Variants in DDIAS observed in about 807,000 individuals in gnomAD.
DDIAS encodes DNA damage induced apoptosis suppressor, also known as DNA damage-induced apoptosis suppressor protein.
DDIAS carries 14 observed loss-of-function variants against 15.7 expected under a neutral mutation model. The observed-to-expected ratio is 0.89, with a 90% CI of 0.59 to 1.39. The LOEUF is 1.39. Among genes scored for constraint, DDIAS ranks in the 40% most tolerant of loss-of-function variants. DDIAS has a pLI of 0.00. For missense variants in DDIAS, 1,035 were observed against 1,130.9 expected, an observed-to-expected ratio of 0.92 and a Z score of 1.22; for synonymous variants, 355 against 395.9, an observed-to-expected ratio of 0.90 and a Z score of 1.23.
chr11:82,912,573 T>C (rs1300760365), intron 1 of DDIAS, among the ~76,000 whole-genome samples: 1 of 152,224 alleles, frequency 6.6e-6, no homozygotes, highest in Admixed American at 6.5e-5. Flanking sequence ...TTTAAGGGAA[T>C]GTTGTGGCTC....
In DDIAS at chr11:82,901,738, T is replaced by C. The variant is rs1434405089; in HGVS notation, c.-201T>C. ...GCGGAAAAGGACGCGGGAGATTCGA[T>C]TGGAAGGCTGCCGGCGTGCTACTGA... On this transcript the variant is annotated 5_prime_UTR_variant, in exon 1 of 6. Coordinates refer to ENST00000533655, the MANE Select transcript of DDIAS (RefSeq NM_145018.4). The C allele has an allele frequency of 6.6e-6, 1 of 152,038 alleles. No homozygotes were observed. The highest frequency in any genetic ancestry group is 1.9e-4 in the East Asian group (1 of 5,168). The allele number at this position is 152,038 out of a possible 1,614,324, so 9.4% of individuals were successfully genotyped here.
At chr11:82,920,178 G>A (rs1485878850) in intron 3 of DDIAS, among the ~76,000 whole-genome samples, 1 of 152,002 alleles carries the variant, frequency 6.6e-6, no homozygotes, top group Non-Finnish European at 1.5e-5. Flanking sequence ...AAAGGTGTTT[G>A]TAGTAGTCTT....
chr11:82,932,116 G>T lies in DDIAS; in HGVS notation c.778G>T (p.Ala260Ser). 1 of 1,614,136 alleles carries T rather than the reference G, an allele frequency of 6.2e-7. No individual in the cohort carries two copies. The highest frequency in any genetic ancestry group is 1.1e-5 in the South Asian group (1 of 91,074). ...SQLTDNDDFS[A>S]SEQSKAFGTL... The stretch of plus-strand genomic sequence containing the variant: ...ACTAACAGATAATGATGATTTTTCA[G>T]CTTCAGAACAAAGTAAGGCCTTTGG... Residue 260 changes from alanine to serine, a missense_variant, in exon 6 of 6, where the codon GCT becomes TCT. By Grantham distance (99) the Ala-to-Ser change is moderately conservative (BLOSUM62 1). Transcript: ENST00000533655.
At chr11:82,903,152 TA>T (rs888522489) in intron 1 of DDIAS, among the ~76,000 whole-genome samples, 109 of 152,306 alleles carry the variant, frequency 7.2e-4, no homozygotes, top group African/African-American at 2.5e-3. Context: ...GGAATATATT[TA>T]GAAAGGACAG....
rs1396940691 is a variant in DDIAS at position 82,930,181 on chromosome 11, TC to T, written c.302del (p.Pro101GlnfsTer13). On this transcript the variant is annotated frameshift_variant, in exon 5 of 6. Coordinates refer to ENST00000533655, the MANE Select transcript of DDIAS (RefSeq NM_145018.4). LOFTEE classifies it high-confidence loss of function. ...HRYIQDPNKI[P>X]ETLDNDTTQN... ...GGTACATTCAGGATCCTAATAAAAT[TC>T]CAGAAACACTGGACAATGATACAAC... is the stretch of plus-strand genomic sequence containing the variant. 6.3e-7 allele frequency: 1 copy of T among 1,594,192 alleles called. No individual in the cohort carries two copies. The highest frequency in any genetic ancestry group is 8.6e-7 in the Non-Finnish European group (1 of 1,168,400).
rs1017612482 is a variant in DDIAS, at chr11:82,931,637, G to A, written c.394-95G>A. On this transcript the variant is annotated intron_variant, in intron 5 of 5. Transcript: ENST00000533655. Reference sequence around the variant, plus strand: ...GCCTCTCAAAGTGCTGGGATTACAGGCATGAGCCACTGTGCCTGGCTAAAT... The same window carrying A: ...GCCTCTCAAAGTGCTGGGATTACAGACATGAGCCACTGTGCCTGGCTAAAT... 4.1e-5 allele frequency: 45 copies of A among 1,108,730 alleles called. No homozygotes were observed. In the African/African-American group the frequency reaches 6.0e-4, roughly 15 times the overall value. The allele number at this position is 1,108,730 out of a possible 1,614,324, so 68.7% of individuals were successfully genotyped here.
At chr11:82,928,680 C>T in intron 3 of DDIAS, 97 bp from the exon 4 acceptor site, 1 of 1,294,694 alleles carries the variant, frequency 7.7e-7, no homozygotes, top group Admixed American at 2.2e-5. Context: ...AGCATTTATA[C>T]ACAAAATGTT....
Position 82,933,868 on chromosome 11 carries a change from C to T in DDIAS, c.2530C>T (p.Gln844Ter). The T allele has an allele frequency of 6.2e-7, 1 of 1,614,054 alleles. No homozygotes were observed. The highest frequency in any genetic ancestry group is 2.2e-5 in the East Asian group (1 of 44,876). Residue 844 changes from glutamine (Q) to a stop codon, truncating the protein, a stop_gained, in exon 6 of 6, where the codon CAA (glutamine) becomes TAA (stop). Coordinates refer to ENST00000533655, the MANE Select transcript of DDIAS (RefSeq NM_145018.4). LOFTEE classifies it low-confidence loss of function (END_TRUNC). ...AAGCCCTATTGTATCTGGTGTTTCACAACCAGACGTTTTCAATCACTACCC... is the reference window on the plus strand; with the variant it reads ...AAGCCCTATTGTATCTGGTGTTTCATAACCAGACGTTTTCAATCACTACCC... Reference protein sequence around the residue: ...IRSPIVSGVSQPDVFNHYPFA... With the variant: ...IRSPIVSGVS
chr11:82,933,918 T>C lies in DDIAS; in HGVS notation c.2580T>C (p.Asp860=), dbSNP rs1861059836. 2 of 1,613,210 alleles carry C rather than the reference T, an allele frequency of 1.2e-6. No individual in the cohort carries two copies. The highest frequency in any genetic ancestry group is 1.3e-5 in the African/African-American group (1 of 74,856). ...HYPFAECHET[D]SDEWVPPTTQ... ...CTTTTGCTGAGTGCCATGAAACTGATAGTGATGAATGGGTCCCTCCTACCA... is the reference window on the plus strand; with the variant it reads ...CTTTTGCTGAGTGCCATGAAACTGACAGTGATGAATGGGTCCCTCCTACCA... The change falls in exon 6 of 6, where the codon GAT becomes GAC. Residue 860 remains aspartate (D), a synonymous_variant. Transcript: ENST00000533655.
chr11:82,934,028 A>G lies in DDIAS; in HGVS notation c.2690A>G (p.Gln897Arg). The G allele has an allele frequency of 6.2e-7, 1 of 1,613,926 alleles. No homozygotes were observed. Among genetic ancestry groups the G allele is most frequent in the Non-Finnish European group, 8.5e-7 (1 of 1,179,982 alleles). Residue 897 changes from glutamine to arginine, a missense_variant, in exon 6 of 6, where the codon CAA becomes CGA. Physicochemically the swap from Gln to Arg is conservative, Grantham distance 43. Coordinates refer to ENST00000533655, the MANE Select transcript of DDIAS (RefSeq NM_145018.4). ...KCLAAYHFPDQQELPRKKLKH... is the reference protein window; with the variant it reads ...KCLAAYHFPDRQELPRKKLKH... ...CTTGCTGCCTATCATTTCCCTGATC[A>G]ACAAGAGTTACCAAGAAAGAAACTG...
intron 3 of DDIAS, among the ~76,000 whole-genome samples, chr11:82,926,306 C>A (rs1365134988): frequency 7.2e-5 from 11 of 151,992 alleles, no homozygotes; most frequent in African/African-American, 2.7e-4. Context: ...CCAGGCTGGA[C>A]TCGAACTCCT....
At chr11:82,924,725 G>T (rs1022903469) in intron 3 of DDIAS, among the ~76,000 whole-genome samples, 1 of 152,048 alleles carries the variant, frequency 6.6e-6, no homozygotes, top group Non-Finnish European at 1.5e-5. Flanking sequence ...TGAGGTGGGA[G>T]GATCGCTTGA....
chr11:82,913,586 C>A, intron 2 of DDIAS, 200 bp downstream of exon 2: 1 of 350,268 alleles, frequency 2.9e-6, no homozygotes, highest in Non-Finnish European at 5.5e-6. Context: ...ACACTTTGAG[C>A]TATCATTTGA....
intron 3 of DDIAS, among the ~76,000 whole-genome samples, chr11:82,922,076 C>T (rs1261113362): frequency 2.6e-5 from 4 of 152,178 alleles, no homozygotes; most frequent in African/African-American, 4.8e-5. Flanking sequence ...GCAAAGAAAT[C>T]TGCTGTTAAT....
chr11:82,928,064 A>G (rs1348745967), intron 3 of DDIAS, among the ~76,000 whole-genome samples: 1 of 152,092 alleles, frequency 6.6e-6, no homozygotes, highest in African/African-American at 2.4e-5. Context: ...CTGATAAGTT[A>G]TCAACATAGT....
rs541845327 is a variant in DDIAS, at chr11:82,928,177, C to CTTTTTTT, written c.114-567_114-561dup. Among the ~76,000 whole-genome samples the CTTTTTTT allele has an allele frequency of 2.5e-3, 84 of 34,204 alleles. 18 individuals are homozygous for CTTTTTTT. The highest frequency in any genetic ancestry group is 0.017 in the East Asian group (13 of 772). 22.4% of individuals were successfully genotyped at this position (34,204 alleles called of 152,430 possible). A position where few individuals can be genotyped will look rare whatever the true frequency, so the allele number is the denominator to read the frequency against. On this transcript the variant is annotated intron_variant, in intron 3 of 5. Coordinates refer to ENST00000533655, the MANE Select transcript of DDIAS (RefSeq NM_145018.4). ...ATATTTTGAGATTATTTTTTGTCCT[C>CTTTTTTT]TTTTTTTTTTTTTTTTTTTTTTTTT...
At chr11:82,928,659 A>G in intron 3 of DDIAS, 118 bp from the exon 4 acceptor site, 2 of 961,824 alleles carry the variant, frequency 2.1e-6, no homozygotes, top group Admixed American at 2.8e-5. Flanking sequence ...GAAGAATTTG[A>G]GTTGTGTAGG....
chr11:82,922,343 C>T (rs148909187), intron 3 of DDIAS, among the ~76,000 whole-genome samples: 104 of 152,248 alleles, frequency 6.8e-4, no homozygotes, highest in African/African-American at 2.4e-3. Flanking sequence ...TCAGGAACAC[C>T]GATTATTCTT....
chr11:82,914,785 A>G lies in DDIAS; in HGVS notation c.47A>G (p.Gln16Arg). 1 of 1,611,650 alleles carries G rather than the reference A, an allele frequency of 6.2e-7. No homozygotes were observed. The highest frequency in any genetic ancestry group is 8.5e-7 in the Non-Finnish European group (1 of 1,177,932). ...CTTCTAGCCTCAGTACTTGCTCTCC[A>G]GAATTCAAGTTTTATATATCCATCA... ...KFLLASVLAL[Q>R]NSSFIYPSCQ... Residue 16 changes from glutamine (Q) to arginine (R), a missense_variant, in exon 3 of 6, where the codon CAG (glutamine) becomes CGG (arginine). By Grantham distance (43) the Gln-to-Arg change is conservative (BLOSUM62 1). Coordinates refer to ENST00000533655, the MANE Select transcript of DDIAS (RefSeq NM_145018.4).
Sources: gnomAD v4.1 joint callset for allele counts (sites outside exome capture counted in the v4.1 genomes callset) on GRCh38, gnomAD v4.1.1 for gene constraint, MANE v1.5 for transcripts, NCBI Gene and HGNC (gene_info 2026-07-23, HGNC 2026-07-21) for gene names.